ARHGAP42: variants seen among roughly 807,000 people sequenced by gnomAD.
ARHGAP42 encodes the protein Rho GTPase activating protein 42.
ARHGAP42 carries 63 observed loss-of-function variants against 125.0 expected under a neutral mutation model. The ratio of observed to expected loss-of-function variants is 0.50; its 90% CI spans 0.41 to 0.62. The LOEUF is 0.62. Among genes scored for constraint, ARHGAP42 ranks in the 20% least tolerant of loss-of-function variants. The pLI, the probability that ARHGAP42 is intolerant of heterozygous loss-of-function variation, is 0.00. For missense variants in ARHGAP42, 766 were observed against 1,024.2 expected (o/e 0.75, Z 3.44); for synonymous variants, 339 against 351.0 (o/e 0.97, Z 0.38).
chr11:100,741,915 AG>A (rs1291412357), intron 1 of ARHGAP42, among the ~76,000 whole-genome samples: 1 of 152,166 alleles, frequency 6.6e-6, no homozygotes, highest in Non-Finnish European at 1.5e-5. Flanking sequence ...GAAATCCATA[AG>A]GTTGTCTGCT....
At chr11:100,713,382 G>C (rs763350390) in intron 1 of ARHGAP42, among the ~76,000 whole-genome samples, 48 of 152,298 alleles carry the variant, frequency 3.2e-4, no homozygotes, top group Non-Finnish European at 4.3e-4. Flanking sequence ...AGTCTTGTAA[G>C]ATCTGCCATT....
intron 1 of ARHGAP42, among the ~76,000 whole-genome samples, chr11:100,715,048 CAAAAAAAAA>C (rs36017086): frequency 3.2e-5 from 2 of 61,898 alleles, no homozygotes; most frequent in Non-Finnish European, 5.7e-5. Flanking sequence ...AACCCTATCT[CAAAAAAAAA>C]AAAAAAAAAA....
intron 4 of ARHGAP42, among the ~76,000 whole-genome samples, chr11:100,883,881 TCA>T (rs1250196632): frequency 6.6e-6 from 1 of 152,212 alleles, no homozygotes; most frequent in African/African-American, 2.4e-5. Flanking sequence ...AATGTGGTTC[TCA>T]GACTGTAGTG....
chr11:100,750,574 C>T (rs893476304), intron 1 of ARHGAP42, among the ~76,000 whole-genome samples: 8 of 147,154 alleles, frequency 5.4e-5, no homozygotes. Flanking sequence ...TGTGTCCTTC[C>T]CCTATTGGCT....
intron 17 of ARHGAP42, 116 bp from the exon 18 acceptor site, chr11:100,973,059 C>T: frequency 1.1e-6 from 1 of 928,478 alleles, no homozygotes; most frequent in Non-Finnish European, 1.5e-6. Context: ...AAAAGTAGGA[C>T]AATTTCCCTA....
intron 1 of ARHGAP42, among the ~76,000 whole-genome samples, chr11:100,712,896 A>C (rs1045554900): frequency 6.6e-6 from 1 of 152,098 alleles, no homozygotes; most frequent in Admixed American, 6.6e-5. Flanking sequence ...CCTACCTCCA[A>C]TGTCTGGCTA....
chr11:100,860,921 C>T (rs561978275), intron 4 of ARHGAP42, among the ~76,000 whole-genome samples: 14 of 152,154 alleles, frequency 9.2e-5, no homozygotes, highest in South Asian at 4.1e-4. Flanking sequence ...TTGGCTCACA[C>T]GTGACATGCA....
chr11:100,933,689 C>T (rs2135261200), intron 7 of ARHGAP42, among the ~76,000 whole-genome samples: 1 of 152,266 alleles, frequency 6.6e-6, no homozygotes, highest in Middle Eastern at 3.4e-3. Context: ...TGTATTAAAA[C>T]ATAACATTGT....
At chr11:100,701,884 A>G (rs1861403151) in intron 1 of ARHGAP42, among the ~76,000 whole-genome samples, 1 of 152,120 alleles carries the variant, frequency 6.6e-6, no homozygotes, top group Admixed American at 6.5e-5. Flanking sequence ...ATTTCCTTCA[A>G]GAACTTTTCC....
chr11:100,865,927 G>A (rs1865558621), intron 4 of ARHGAP42, among the ~76,000 whole-genome samples: 1 of 152,154 alleles, frequency 6.6e-6, no homozygotes, highest in Non-Finnish European at 1.5e-5. Context: ...CTACAGTGAA[G>A]TTTGCCTCAT....
chr11:100,872,178 A>G (rs1243728233), intron 4 of ARHGAP42, among the ~76,000 whole-genome samples: 4 of 152,202 alleles, frequency 2.6e-5, no homozygotes, highest in African/African-American at 7.2e-5. Flanking sequence ...GAGTATCTGG[A>G]TACTATAGCA....
rs181427574 is a variant in ARHGAP42 at position 100,907,705 on chromosome 11, G to T, written c.385-5747G>T. On this transcript the variant is annotated intron_variant, in intron 4 of 23. Coordinates refer to ENST00000298815, the MANE Select transcript of ARHGAP42 (RefSeq NM_152432.4). ...CTGTGCTAGCAACTGGCCCTTCTGG[G>T]AATCAGAGGTGGTGATGCTGCTGTG... Among the ~76,000 whole-genome samples the T allele has an allele frequency of 8.9e-4, 135 of 152,288 alleles. No homozygotes were observed. The East Asian group carries it at 0.012, about 14-fold the overall frequency.
chr11:100,773,171 A>G (rs1863022854), intron 2 of ARHGAP42, among the ~76,000 whole-genome samples: 1 of 152,196 alleles, frequency 6.6e-6, no homozygotes, highest in African/African-American at 2.4e-5. Flanking sequence ...AATTCCATGA[A>G]GGCAGAAGCC....
chr11:100,812,829 A>G (rs1383644332), intron 3 of ARHGAP42, among the ~76,000 whole-genome samples: 1 of 152,196 alleles, frequency 6.6e-6, no homozygotes, highest in African/African-American at 2.4e-5. Context: ...AAGAATATGT[A>G]GGACTCTTTA....
chr11:100,779,567 T>TATATACGTATACATACGTATAC (rs1565210776), intron 2 of ARHGAP42, among the ~76,000 whole-genome samples: 1 of 146,960 alleles, frequency 6.8e-6, no homozygotes, highest in South Asian at 2.1e-4. Flanking sequence ...CATACGTATA[T>TATATACGTATACATACGTATAC]ATACGTATAT....
chr11:100,982,396 A>T (rs915763515), intron 22 of ARHGAP42, among the ~76,000 whole-genome samples: 2 of 152,164 alleles, frequency 1.3e-5, no homozygotes, highest in Admixed American at 6.5e-5. Context: ...GGGAAGCTGC[A>T]TTTTTGTCAC....
At chr11:100,964,055 A>T (rs1269870842) in intron 16 of ARHGAP42, among the ~76,000 whole-genome samples, 1 of 151,950 alleles carries the variant, frequency 6.6e-6, no homozygotes, top group African/African-American at 2.4e-5. Flanking sequence ...CTTATATATA[A>T]GAACTCATCT....
rs956665732 is a variant in ARHGAP42, at chr11:100,874,818, T to C, written c.384+15193T>C. ...ATTGCCCCATCTGTGAATTCCACTGTTATTATCCAGTCCCCAAAAGAAGTG... is the reference window on the plus strand; with the variant it reads ...ATTGCCCCATCTGTGAATTCCACTGCTATTATCCAGTCCCCAAAAGAAGTG... On this transcript the variant is annotated intron_variant, in intron 4 of 23. Coordinates refer to ENST00000298815, the MANE Select transcript of ARHGAP42 (RefSeq NM_152432.4). Among the ~76,000 whole-genome samples the C allele has an allele frequency of 5.9e-5, 9 of 152,182 alleles. No homozygotes were observed. In the East Asian group the frequency reaches 1.5e-3, roughly 26 times the overall value.
Position 100,710,538 on chromosome 11 carries a change from GT to G in ARHGAP42, c.154+22725del, listed in dbSNP as rs57891043. On this transcript the variant is annotated intron_variant, in intron 1 of 23. Coordinates refer to ENST00000298815, the MANE Select transcript of ARHGAP42 (RefSeq NM_152432.4). ...CATGAGCCACTGCGCCCGGCCAGCA[GT>G]TTTTTTTTTTTTTTTTTTGAGACAG... is the stretch of plus-strand genomic sequence containing the variant. 6.3e-4 allele frequency among the ~76,000 whole-genome samples: 68 copies of G among 107,232 alleles called. No individual in the cohort carries two copies. The South Asian group carries it at 7.0e-3, about 11-fold the overall frequency. The allele number at this position is 107,232 out of a possible 152,430, so 70.3% of individuals were successfully genotyped here. A position where few individuals can be genotyped will look rare whatever the true frequency, so the allele number is the denominator to read the frequency against.
Sources: gnomAD v4.1 joint callset for allele counts (sites outside exome capture counted in the v4.1 genomes callset) on GRCh38, gnomAD v4.1.1 for gene constraint, MANE v1.5 for transcripts, NCBI Gene and HGNC (gene_info 2026-07-23, HGNC 2026-07-21) for gene names.